PNO1: variants seen among roughly 807,000 people sequenced by gnomAD.
PNO1 encodes the protein partner of NOB1 homolog.
A neutral mutation model predicts 28.4 loss-of-function variants in PNO1; 16 were observed. The observed-to-expected ratio is 0.56, with a 90% CI of 0.38 to 0.85. PNO1 has a LOEUF of 0.85. PNO1 is among the 40% of genes least tolerant of loss of function. The pLI is 0.00. For missense variants in PNO1, 304 were observed against 312.2 expected (o/e 0.97, Z 0.20); for synonymous variants, 115 against 110.8 (o/e 1.04, Z -0.24).
chr2:68,169,547 C>T (rs1674075158), intron 5 of PNO1, among the ~76,000 whole-genome samples: 1 of 152,148 alleles, frequency 6.6e-6, no homozygotes. Flanking sequence ...GTGAAGTTGT[C>T]GTACAGTATG....
intron 5 of PNO1, among the ~76,000 whole-genome samples, chr2:68,171,774 T>C (rs538744216): frequency 6.6e-6 from 1 of 152,256 alleles, no homozygotes; most frequent in Admixed American, 6.5e-5. Flanking sequence ...ATAAGGACTT[T>C]GGCTTTTACT....
chr2:68,161,852 A>C (rs550248462), intron 3 of PNO1, 86 bp downstream of exon 3: 1 of 876,928 alleles, frequency 1.1e-6, no homozygotes, highest in African/African-American at 1.7e-5. Flanking sequence ...AAAAAAAAAA[A>C]GGCCAGGCAC....
At position 68,158,081 on chromosome 2, in the gene PNO1, A is replaced by G; in HGVS notation, c.147A>G (p.Thr49=). The G allele has an allele frequency of 1.2e-6, 2 of 1,613,352 alleles. No homozygotes were observed. Among genetic ancestry groups the G allele is most frequent in the Non-Finnish European group, 1.7e-6 (2 of 1,179,780 alleles). Residue 49 remains threonine, a synonymous_variant, in exon 1 of 7, where the codon ACA becomes ACG. Coordinates refer to ENST00000263657, the MANE Select transcript of PNO1 (RefSeq NM_020143.4). ...GEGGDAGRMD[T]EEARPAKRPV... is the part of the protein sequence containing the mutation. ...GCGGGGATGCGGGCCGCATGGACACAGAGGAGGCCAGGCCGGCGAAGAGGC... is the reference window on the plus strand; with the variant it reads ...GCGGGGATGCGGGCCGCATGGACACGGAGGAGGCCAGGCCGGCGAAGAGGC...
At chr2:68,162,207 ACT>A (rs1371485231) in intron 3 of PNO1, 56 bp from the exon 4 acceptor site, 4 of 1,258,580 alleles carry the variant, frequency 3.2e-6, no homozygotes, top group Non-Finnish European at 4.6e-6. Context: ...TTTGCACTTT[ACT>A]CTTTTTCAGG....
At position 68,161,741 on chromosome 2, in the gene PNO1, C is replaced by T; in HGVS notation, c.416C>T (p.Ala139Val). ...ALTKAADFVK[A>V]FILGFQVEDA... The stretch of plus-strand genomic sequence containing the variant: ...ACAAAAGCAGCTGATTTTGTGAAAG[C>T]TTTTATTCTCGGCTTTCAGGTGGAG... Residue 139 changes from alanine to valine, a missense_variant, in exon 3 of 7, where the codon GCT (alanine) becomes GTT (valine). Physicochemically the swap from Ala to Val is moderately conservative, Grantham distance 64 (BLOSUM62 0). Coordinates refer to ENST00000263657, the MANE Select transcript of PNO1 (RefSeq NM_020143.4). 1 of 1,611,740 alleles carries T rather than the reference C, an allele frequency of 6.2e-7. No homozygotes were observed. Among genetic ancestry groups the T allele is most frequent in the East Asian group, 2.2e-5 (1 of 44,862 alleles).
At chr2:68,165,393 A>C (rs1673963328) in intron 5 of PNO1, among the ~76,000 whole-genome samples, 2 of 149,392 alleles carry the variant, frequency 1.3e-5, no homozygotes, top group Admixed American at 6.6e-5. Context: ...CAAAAAAAAA[A>C]AAACTAGCTG....
chr2:68,160,910 T>C (rs774653624), intron 2 of PNO1, among the ~76,000 whole-genome samples: 1 of 152,246 alleles, frequency 6.6e-6, no homozygotes, highest in Non-Finnish European at 1.5e-5. Context: ...GAATACGTGG[T>C]CTCTTCAACT....
chr2:68,160,288 C>T (rs1482459366), intron 2 of PNO1, among the ~76,000 whole-genome samples: 2 of 152,108 alleles, frequency 1.3e-5, no homozygotes, highest in Admixed American at 1.3e-4. Context: ...AAGTTTTGGA[C>T]TTAACTTGCT....
At position 68,176,073 on chromosome 2, in the gene PNO1, C is replaced by T. The variant is rs1441926427; in HGVS notation, c.*1271C>T. 1 of 152,168 alleles carries T rather than the reference C, an allele frequency of 6.6e-6. No homozygotes were observed. The highest frequency in any genetic ancestry group is 6.5e-5 in the Admixed American group (1 of 15,278). The allele number at this position is 152,168 out of a possible 1,614,324, so 9.4% of individuals were successfully genotyped here. On this transcript the variant is annotated 3_prime_UTR_variant, in exon 7 of 7. Transcript: ENST00000263657. ...AATAATAGTAAGAACCATCATAAGT[C>T]TGTTTCTTCTAGTAAAGGTGAAATG...
chr2:68,173,879 C>T (rs1350300729), intron 6 of PNO1, among the ~76,000 whole-genome samples: 1 of 152,058 alleles, frequency 6.6e-6, no homozygotes, highest in Non-Finnish European at 1.5e-5. Flanking sequence ...CCACGCCCAG[C>T]CAGAAGTAGA....
intron 6 of PNO1, 61 bp downstream of exon 6, chr2:68,173,478 G>C: frequency 9.7e-7 from 1 of 1,025,762 alleles, no homozygotes; most frequent in Non-Finnish European, 1.5e-6. Flanking sequence ...AATTGAGGAA[G>C]TCAAAACCAC....
chr2:68,166,667 C>T (rs759135269), intron 5 of PNO1, among the ~76,000 whole-genome samples: 10 of 152,200 alleles, frequency 6.6e-5, no homozygotes, highest in Non-Finnish European at 1.0e-4. Context: ...TACCAATCCT[C>T]TTCCACAGTT....
chr2:68,172,344 C>T (rs1250415263), intron 5 of PNO1, among the ~76,000 whole-genome samples: 1 of 152,128 alleles, frequency 6.6e-6, no homozygotes, highest in Non-Finnish European at 1.5e-5. Context: ...ACCTGCTCCT[C>T]CCCCAGGCCC....
rs770661668 is a variant in PNO1 at position 68,162,290 on chromosome 2, A to T, written c.467A>T (p.Asp156Val). 4 of 1,613,404 alleles carry T rather than the reference A, an allele frequency of 2.5e-6. No individual in the cohort carries two copies. The East Asian group carries it at 6.7e-5, about 27-fold the overall frequency. ...GATGCACTTGCCCTCATCAGGTTGG[A>T]TGACCTCTTCCTAGAGTCTTTTGAA... ...VEDALALIRL[D>V]DLFLESFEIT... Residue 156 changes from aspartate to valine, a missense_variant, in exon 4 of 7, where the codon GAT becomes GTT. Asp to Val is a radical substitution (Grantham distance 152). Transcript: ENST00000263657.
Position 68,162,311 on chromosome 2 carries a change from T to C in PNO1, c.488T>C (p.Phe163Ser). 1 of 1,612,270 alleles carries C rather than the reference T, an allele frequency of 6.2e-7. No individual in the cohort carries two copies. Among genetic ancestry groups the C allele is most frequent in the Non-Finnish European group, 8.5e-7 (1 of 1,178,742 alleles). The change falls in exon 4 of 7, where the codon TTT becomes TCT. Residue 163 changes from phenylalanine (F) to serine (S), a missense_variant. Phe to Ser is a radical substitution (Grantham distance 155, BLOSUM62 -2). Transcript: ENST00000263657. ...IRLDDLFLES[F>S]EITDVKPLKG... ...TTGGATGACCTCTTCCTAGAGTCTTTTGAAATTACAGATGGTGAGTGTGTG... is the reference window on the plus strand; with the variant it reads ...TTGGATGACCTCTTCCTAGAGTCTTCTGAAATTACAGATGGTGAGTGTGTG...
chr2:68,165,500 T>G (rs973634661), intron 5 of PNO1, among the ~76,000 whole-genome samples: 1 of 139,266 alleles, frequency 7.2e-6, no homozygotes, highest in African/African-American at 2.7e-5. Flanking sequence ...GAGTCAAGAT[T>G]GCACCACTGC....
chr2:68,174,992 T>C lies in PNO1; in HGVS notation c.*190T>C, dbSNP rs1674237315. 2.1e-6 allele frequency: 1 copy of C among 479,960 alleles called. No homozygotes were observed. The highest frequency in any genetic ancestry group is 3.7e-6 in the Non-Finnish European group (1 of 273,410). The allele number at this position is 479,960 out of a possible 1,614,324, so 29.7% of individuals were successfully genotyped here. A position where few individuals can be genotyped will look rare whatever the true frequency, so the allele number is the denominator to read the frequency against. On this transcript the variant is annotated 3_prime_UTR_variant, in exon 7 of 7. Transcript: ENST00000263657. Reference sequence around the variant, plus strand: ...TCACACTCAACAGGTTTTAGGATAATTTAAATATCAAAAATTGATTGTTAT... The same window carrying C: ...TCACACTCAACAGGTTTTAGGATAACTTAAATATCAAAAATTGATTGTTAT...
chr2:68,160,009 C>G (rs1673789360), intron 2 of PNO1, among the ~76,000 whole-genome samples: 1 of 141,688 alleles, frequency 7.1e-6, no homozygotes, highest in South Asian at 2.2e-4. Flanking sequence ...TGCTCCGTTG[C>G]CCAGGCTGGA....
intron 6 of PNO1, among the ~76,000 whole-genome samples, chr2:68,174,296 T>G (rs1433343449): frequency 2.0e-5 from 3 of 150,756 alleles, no homozygotes; most frequent in African/African-American, 4.9e-5. Context: ...AGGTTTTTTT[T>G]TTTTTTTTTT....
Sources: allele counts gnomAD v4.1 joint callset (sites outside exome capture counted in the v4.1 genomes callset), GRCh38; gene constraint gnomAD v4.1.1; transcripts MANE v1.5; gene names NCBI Gene and HGNC (gene_info 2026-07-23, HGNC 2026-07-21).